Variants in ZNF160 observed in about 807,000 individuals in gnomAD.
ZNF160 encodes the protein zinc finger protein 160, also known as KRAB zinc finger protein KR18.
A neutral mutation model predicts 13.1 loss-of-function variants in ZNF160; 9 were observed. That is an observed-to-expected ratio of 0.69 (90% confidence interval 0.41 to 1.20). ZNF160 has a LOEUF of 1.20. Ranked by LOEUF, ZNF160 falls within the 50% of genes most tolerant of loss-of-function variation. The probability of loss-of-function intolerance (pLI) is 0.01; values close to 1 mark genes in which losing one functional copy is unlikely to be tolerated. For synonymous variants in ZNF160, 293 were observed against 333.2 expected (o/e 0.88, Z 1.31); for missense variants, 838 against 988.0 (o/e 0.85, Z 2.04).
intron 1 of ZNF160, among the ~76,000 whole-genome samples, chr19:53,095,946 G>A (rs60052848): frequency 0.026 from 4,008 of 152,224 alleles, 165 homozygotes; most frequent in African/African-American, 0.091. Flanking sequence ...GGTCAGGTGC[G>A]GTGACTTATG....
intron 1 of ZNF160, among the ~76,000 whole-genome samples, chr19:53,102,924 G>A (rs2085499643): frequency 6.6e-6 from 1 of 152,098 alleles, no homozygotes; most frequent in Admixed American, 6.6e-5. Flanking sequence ...GGAGGTGGGG[G>A]GCGACGGCGC....
rs2084829945 is a variant in ZNF160 at position 53,086,341 on chromosome 19, T to C, written c.-45-20A>G. ...TTCTTCCTTGGGTAACATAAAAGAGTCTTTAGAAGTCAATACTGAATATCC... is the reference window on the plus strand; with the variant it reads ...TTCTTCCTTGGGTAACATAAAAGAGCCTTTAGAAGTCAATACTGAATATCC... On this transcript the variant is annotated intron_variant, in intron 2 of 5. Transcript: ENST00000683776. 1.3e-6 allele frequency: 2 copies of C among 1,541,028 alleles called. No homozygotes were observed. The highest frequency in any genetic ancestry group is 1.7e-6 in the Non-Finnish European group (2 of 1,149,384).
chr19:53,078,345 A>C (rs2084488595), intron 3 of ZNF160, among the ~76,000 whole-genome samples: 1 of 151,860 alleles, frequency 6.6e-6, no homozygotes, highest in Admixed American at 6.6e-5. Flanking sequence ...AGGAGGTTGA[A>C]GGTACAGTAA....
At position 53,075,148 on chromosome 19, in the gene ZNF160, G is replaced by C. The variant is rs1438809732; in HGVS notation, c.51C>G (p.Phe17Leu). Reference protein sequence around the residue: ...RLTFRDVAIEFSQEEWKCLDP... With the variant: ...RLTFRDVAIELSQEEWKCLDP... Reference sequence around the variant, plus strand: ...CCAGGCATTTCCACTCCTCCTGAGAGAATTCTATGGCCACATCCCTAAATG... The same window carrying C: ...CCAGGCATTTCCACTCCTCCTGAGACAATTCTATGGCCACATCCCTAAATG... Residue 17 changes from phenylalanine to leucine, a missense_variant, in exon 4 of 6, where the codon TTC (phenylalanine) becomes TTG (leucine). Around this residue, in one of 3 missense-constraint regions of ZNF160, gnomAD observed 387 missense variants for 402.3 expected, o/e 0.96. Transcript: ENST00000683776. The C allele has an allele frequency of 4.3e-6, 7 of 1,614,188 alleles. No homozygotes were observed. The highest frequency in any genetic ancestry group is 4.2e-6 in the Non-Finnish European group (5 of 1,180,028).
At chr19:53,097,823 G>A (rs2085292847) in intron 1 of ZNF160, among the ~76,000 whole-genome samples, 1 of 152,168 alleles carries the variant, frequency 6.6e-6, no homozygotes, top group Non-Finnish European at 1.5e-5. Context: ...TTTCAGGATG[G>A]TTTTTGCACT....
chr19:53,078,353 T>G (rs2084489152), intron 3 of ZNF160, among the ~76,000 whole-genome samples: 1 of 152,020 alleles, frequency 6.6e-6, no homozygotes, highest in African/African-American at 2.4e-5. Flanking sequence ...GAAGGTACAG[T>G]AAGCTATGAT....
At chr19:53,070,415 G>GTT (rs765945264) in intron 5 of ZNF160, among the ~76,000 whole-genome samples, 153 bp from the exon 6 acceptor site, 8 of 145,056 alleles carry the variant, frequency 5.5e-5, no homozygotes, top group Non-Finnish European at 6.1e-5. Flanking sequence ...GAACAAAAAT[G>GTT]TTTTTTTTTT....
In ZNF160 at chr19:53,087,049, A is replaced by G; in HGVS notation, c.-45-728T>C. Among the ~76,000 whole-genome samples, 2 of 152,222 alleles carry G rather than the reference A, an allele frequency of 1.3e-5. 1 individual carries two copies. The highest frequency in any genetic ancestry group is 2.9e-5 in the Non-Finnish European group (2 of 68,028). ...AAATAGGAGGCTGTGGGAGATCACA[A>G]ACGTTTCCACGGAGGAAGTGATGTC... On this transcript the variant is annotated intron_variant, in intron 2 of 5. Transcript: ENST00000683776.
intron 3 of ZNF160, 134 bp from the exon 4 acceptor site, chr19:53,075,317 G>A: frequency 8.5e-7 from 1 of 1,171,344 alleles, no homozygotes; most frequent in East Asian, 2.5e-5. Context: ...TTGTGACAAT[G>A]TGACATACAG....
Position 53,070,152 on chromosome 19 carries a change from C to G in ZNF160, c.382G>C (p.Asp128His). The change falls in exon 6 of 6, where the codon GAC becomes CAC. Residue 128 changes from aspartate to histidine, a missense_variant. By Grantham distance (81) the Asp-to-His change is moderately conservative. Transcript: ENST00000683776. ...TTCTGGGGTTCCTTGAAGGAAAAGT[C>G]TTCAATGTCAGGGCTTTCGTGTCTT... is the stretch of plus-strand genomic sequence containing the variant. ...LERHESPDIE[D>H]FSFKEPQKNV... The G allele has an allele frequency of 7.4e-6, 12 of 1,614,102 alleles. No individual in the cohort carries two copies. The highest frequency in any genetic ancestry group is 1.0e-5 in the Non-Finnish European group (12 of 1,180,030).
chr19:53,074,408 C>T, intron 4 of ZNF160, 140 bp from the exon 5 acceptor site: 1 of 1,391,918 alleles, frequency 7.2e-7, no homozygotes, highest in South Asian at 1.6e-5. Context: ...TGGCTCATGC[C>T]TGTAATCCCA....
chr19:53,069,562 G>C lies in ZNF160; in HGVS notation c.972C>G (p.His324Gln). Residue 324 changes from histidine (H) to glutamine (Q), a missense_variant, in exon 6 of 6, where the codon CAC (histidine) becomes CAG (glutamine). His to Gln is a conservative substitution (Grantham distance 24). Around this residue, in one of 3 missense-constraint regions of ZNF160, gnomAD observed 387 missense variants for 402.3 expected, o/e 0.96. Coordinates refer to ENST00000683776, the MANE Select transcript of ZNF160 (RefSeq NM_001322131.2). The surrounding 1 kb of genome is among the most constrained non-coding windows in gnomAD (Gnocchi z 4.4). ...KCHECGKVFR[H>Q]NSYLATHRRI... is the part of the protein sequence containing the mutation. ...GCCGATGAGTTGCAAGGTATGAATTGTGCCTGAAGACCTTGCCACACTCAT... is the reference window on the plus strand; with the variant it reads ...GCCGATGAGTTGCAAGGTATGAATTCTGCCTGAAGACCTTGCCACACTCAT... 1 of 1,614,072 alleles carries C rather than the reference G, an allele frequency of 6.2e-7. No individual in the cohort carries two copies. Among genetic ancestry groups the C allele is most frequent in the Non-Finnish European group, 8.5e-7 (1 of 1,180,014 alleles).
Position 53,068,819 on chromosome 19 carries a change from T to C in ZNF160, c.1715A>G (p.Lys572Arg). The C allele has an allele frequency of 6.2e-7, 1 of 1,612,844 alleles. No homozygotes were observed. Among genetic ancestry groups the C allele is most frequent in the Non-Finnish European group, 8.5e-7 (1 of 1,178,916 alleles). ...EKPYKCNECG[K>R]VFAQTSQLAR... ...AAGTTGTGATGTTTGAGCGAAGACT[T>C]TACCACATTCATTACACTTGTAAGG... is the stretch of plus-strand genomic sequence containing the variant. The change falls in exon 6 of 6, where the codon AAA becomes AGA. Residue 572 changes from lysine to arginine, a missense_variant. Lys to Arg is a conservative substitution (Grantham distance 26). Around this residue, in one of 3 missense-constraint regions of ZNF160, gnomAD observed 400 missense variants for 538.9 expected, o/e 0.74. Transcript: ENST00000683776.
In ZNF160 at chr19:53,074,176, G is replaced by T; in HGVS notation, c.235C>A (p.Pro79Thr). The change falls in exon 5 of 6, where the codon CCA becomes ACA. Residue 79 changes from proline (P) to threonine (T), a missense_variant. Coordinates refer to ENST00000683776, the MANE Select transcript of ZNF160 (RefSeq NM_001322131.2). ...VKSCVKIARK[P>T]RTPECVKGVV... ...CCTTTGACACATTCCGGCGTTCTTG[G>T]TTTTCTTGCTATTTTCACACAGCTC... 6.2e-7 allele frequency: 1 copy of T among 1,613,774 alleles called. No individual in the cohort carries two copies. Among genetic ancestry groups the T allele is most frequent in the Non-Finnish European group, 8.5e-7 (1 of 1,179,962 alleles).
At chr19:53,076,747 T>C (rs1017361299) in intron 3 of ZNF160, among the ~76,000 whole-genome samples, 7 of 152,068 alleles carry the variant, frequency 4.6e-5, no homozygotes, top group African/African-American at 1.7e-4. Flanking sequence ...TGGACCAAAT[T>C]GTCTTTGTGG....
chr19:53,093,838 G>A (rs931797310), intron 1 of ZNF160, among the ~76,000 whole-genome samples: 4 of 152,162 alleles, frequency 2.6e-5, no homozygotes, highest in South Asian at 2.1e-4. Flanking sequence ...TGGGTGTACT[G>A]AATGTTCCTG....
chr19:53,067,898 C>A lies in ZNF160; in HGVS notation c.*179G>T. Reference sequence around the variant, plus strand: ...TCTTGATGCCTAGTAACCTGCGAGGCCTGGATAGACCCTCTGCCACATATG... The same window carrying A: ...TCTTGATGCCTAGTAACCTGCGAGGACTGGATAGACCCTCTGCCACATATG... On this transcript the variant is annotated 3_prime_UTR_variant, in exon 6 of 6. Transcript: ENST00000683776. The A allele has an allele frequency of 1.3e-6, 1 of 793,084 alleles. No individual in the cohort carries two copies. The highest frequency in any genetic ancestry group is 1.9e-6 in the Non-Finnish European group (1 of 531,564). 49.1% of individuals were successfully genotyped at this position (793,084 alleles called of 1,614,324 possible).
chr19:53,077,981 C>T (rs1477868591), intron 3 of ZNF160, among the ~76,000 whole-genome samples: 2 of 152,138 alleles, frequency 1.3e-5, no homozygotes, highest in East Asian at 1.9e-4. Context: ...ATGGCTCACG[C>T]CTGTAATCCC....
intron 5 of ZNF160, among the ~76,000 whole-genome samples, chr19:53,070,719 T>C (rs1317122454): frequency 6.6e-6 from 1 of 152,050 alleles, no homozygotes; most frequent in Non-Finnish European, 1.5e-5. Flanking sequence ...CAGCCAAAAG[T>C]AGTATTTTTT....
Sources: gnomAD v4.1 joint callset for allele counts (sites outside exome capture counted in the v4.1 genomes callset) on GRCh38, gnomAD v4.1.1 for gene constraint, gnomAD v4.1.1 regional missense constraint, Gnocchi (gnomAD v3.1) non-coding constraint, MANE v1.5 for transcripts, NCBI Gene and HGNC (gene_info 2026-07-23, HGNC 2026-07-21) for gene names.